Variants in PECAM1 observed in about 807,000 individuals in gnomAD.
PECAM1 encodes platelet endothelial cell adhesion molecule.
In PECAM1, 8 loss-of-function variants were observed where a neutral mutation model predicts 13.8. That is an observed-to-expected ratio of 0.58 (90% CI 0.34 to 1.05). The LOEUF (loss-of-function observed/expected upper bound fraction) is 1.05. Ranked by LOEUF, PECAM1 falls within the 50% of genes least tolerant of loss-of-function variation. PECAM1 has a pLI of 0.03. For synonymous variants in PECAM1, 136 were observed against 52.6 expected, an observed-to-expected ratio of 2.58 and a Z score of -6.86; for missense variants, 304 against 141.2, an observed-to-expected ratio of 2.15 and a Z score of -5.84.
chr17:64,388,503 A>C (rs992587440), intron 2 of PECAM1, among the ~76,000 whole-genome samples: 12 of 152,240 alleles, frequency 7.9e-5, no homozygotes, highest in Middle Eastern at 3.4e-3. Flanking sequence ...TATCATCCCC[A>C]TGTTACAGAT....
chr17:64,330,615 G>A (rs143497402), intron 14 of PECAM1, among the ~76,000 whole-genome samples: 4,699 of 147,086 alleles, frequency 0.032, 101 homozygotes, highest in East Asian at 0.072. Flanking sequence ...CAGCCTGGGC[G>A]ACACAGCAAG....
intron 7 of PECAM1, among the ~76,000 whole-genome samples, chr17:64,357,798 T>C (rs4968730): frequency 0.9 from 137,277 of 152,194 alleles, 63,009 homozygotes; most frequent in East Asian, 1. Context: ...AAATGTGAGC[T>C]ACTGATATCG....
At chr17:64,385,208 G>A (rs1406999117) in intron 2 of PECAM1, among the ~76,000 whole-genome samples, 2 of 152,208 alleles carry the variant, frequency 1.3e-5, no homozygotes, top group Non-Finnish European at 2.9e-5. Flanking sequence ...GGAGATGAAG[G>A]TTGACGGAGA....
chr17:64,361,753 C>CAAAAAAAAAAA (rs61144320), intron 6 of PECAM1, among the ~76,000 whole-genome samples: 89 of 67,886 alleles, frequency 1.3e-3, no homozygotes, highest in East Asian at 3.1e-3. Context: ...AACTCCATCT[C>CAAAAAAAAAAA]AAAAAAAAAA....
At chr17:64,340,777 C>A (rs2035406829) in intron 14 of PECAM1, among the ~76,000 whole-genome samples, 1 of 152,048 alleles carries the variant, frequency 6.6e-6, no homozygotes, top group East Asian at 1.9e-4. Flanking sequence ...AAACCCACAC[C>A]CACTCCCAAA....
chr17:64,333,567 A>G (rs2143697584), intron 14 of PECAM1, among the ~76,000 whole-genome samples: 1 of 152,212 alleles, frequency 6.6e-6, no homozygotes, highest in East Asian at 1.9e-4. Context: ...CGCTATGACA[A>G]CCAAAAGTGT....
At chr17:64,360,062 C>G (rs2035938347) in intron 7 of PECAM1, 78 bp downstream of exon 7, 4 of 474,682 alleles carry the variant, frequency 8.4e-6, no homozygotes, top group Non-Finnish European at 1.5e-5. Flanking sequence ...CCCTACTTCT[C>G]TTATTGTTCC....
At chr17:64,343,141 G>T (rs1034167006) in intron 13 of PECAM1, among the ~76,000 whole-genome samples, 5 of 152,112 alleles carry the variant, frequency 3.3e-5, no homozygotes, top group Non-Finnish European at 5.9e-5. Flanking sequence ...AGGGTAAGGG[G>T]CTTCCTGTGC....
In PECAM1 at chr17:64,375,360, C is replaced by T. The variant is rs929905100; in HGVS notation, c.386-4G>A. 0.016 allele frequency: 7,547 copies of T among 465,210 alleles called. 495 individuals carry two copies. Among genetic ancestry groups the T allele is most frequent in the African/African-American group, 0.14 (6,911 of 49,460 alleles). 28.8% of individuals were successfully genotyped at this position (465,210 alleles called of 1,614,324 possible). On this transcript the variant is annotated splice_polypyrimidine_tract_variant and splice_region_variant and intron_variant, in intron 3 of 15. Transcript: ENST00000563924. ...GTCACCCTGGGACTGGGCACTCCTACGGGGAAAGAGAAAGTCTGTCAGTAT... is the reference window on the plus strand; with the variant it reads ...GTCACCCTGGGACTGGGCACTCCTATGGGGAAAGAGAAAGTCTGTCAGTAT...
At chr17:64,349,757 C>T (rs1384421828) in intron 12 of PECAM1, among the ~76,000 whole-genome samples, 4 of 151,606 alleles carry the variant, frequency 2.6e-5, no homozygotes, top group East Asian at 1.9e-4. Context: ...TGGTGGCAGG[C>T]GCCTGTAGTC....
At chr17:64,378,200 G>T (rs1391741396) in intron 2 of PECAM1, 83 bp from the exon 3 acceptor site, 2 of 415,322 alleles carry the variant, frequency 4.8e-6, no homozygotes, top group Non-Finnish European at 8.6e-6. Context: ...CATCAGATGT[G>T]GTCTTATCCC....
chr17:64,370,141 TA>T, intron 4 of PECAM1, 116 bp from the exon 5 acceptor site: 1 of 397,626 alleles, frequency 2.5e-6, no homozygotes, highest in African/African-American at 2.1e-5. Context: ...TAACTAACTT[TA>T]AAAATTCAAC....
rs945344551 is a variant in PECAM1, at chr17:64,364,265, C to T, written c.968-868G>A. The stretch of plus-strand genomic sequence containing the variant: ...CCTCAACACACACACTCTCCCAAGA[C>T]TAAACCAGGAAGAAGTTGAATCTCT... On this transcript the variant is annotated intron_variant, in intron 5 of 15. Coordinates refer to ENST00000563924, the MANE Select transcript of PECAM1 (RefSeq NM_000442.5). Among the ~76,000 whole-genome samples, 10 of 152,294 alleles carry T rather than the reference C, an allele frequency of 6.6e-5. No homozygotes were observed. The South Asian group carries it at 1.7e-3, about 25-fold the overall frequency.
intron 11 of PECAM1, among the ~76,000 whole-genome samples, chr17:64,350,673 G>T (rs1213849650): frequency 1.4e-4 from 18 of 130,818 alleles, no homozygotes; most frequent in Non-Finnish European, 2.2e-4. Context: ...GCAATGTCTT[G>T]CTCTGTCACC....
intron 11 of PECAM1, among the ~76,000 whole-genome samples, chr17:64,350,647 T>C (rs1178993985): frequency 4.0e-5 from 6 of 149,640 alleles, no homozygotes; most frequent in Admixed American, 6.7e-5. Flanking sequence ...TTCTTTCTTT[T>C]TTTTTTTTTT....
intron 4 of PECAM1, among the ~76,000 whole-genome samples, chr17:64,371,429 T>G (rs1208535464): frequency 6.6e-6 from 1 of 152,198 alleles, no homozygotes; most frequent in African/African-American, 2.4e-5. Flanking sequence ...TCCAGCACTT[T>G]GGGAGGCTGA....
intron 13 of PECAM1, among the ~76,000 whole-genome samples, chr17:64,342,988 C>T (rs1421118515): frequency 1.3e-5 from 2 of 151,954 alleles, no homozygotes; most frequent in Non-Finnish European, 2.9e-5. Flanking sequence ...TACCCACCAA[C>T]CCTGAGGAAA....
In PECAM1 at chr17:64,360,582, CTGTGTGTGTGTGTGTG is replaced by C. The variant is rs10589772; in HGVS notation, c.1217-183_1217-168del. Among the ~76,000 whole-genome samples, 4 of 139,480 alleles carry C rather than the reference CTGTGTGTGTGTGTGTG, an allele frequency of 2.9e-5. No homozygotes were observed. The South Asian group carries it at 9.5e-4, about 33-fold the overall frequency. 91.5% of individuals were successfully genotyped at this position (139,480 alleles called of 152,430 possible). A position where few individuals can be genotyped will look rare whatever the true frequency, so the allele number is the denominator to read the frequency against. On this transcript the variant is annotated intron_variant, in intron 6 of 15. Coordinates refer to ENST00000563924, the MANE Select transcript of PECAM1 (RefSeq NM_000442.5). The stretch of plus-strand genomic sequence containing the variant: ...ATAGGACACCTATGAGACTGACAGG[CTGTGTGTGTGTGTGTG>C]TGTGTGTGTGTGTGTGTGTGGTGAG...
Position 64,361,129 on chromosome 17 carries a change from A to ATGTGTGTGTGTGTGTGTGTG in PECAM1, c.1217-734_1217-715dup, listed in dbSNP as rs145637288. ...AGCCACCACACCTGGCTGAGCATATATGTGTGTGTGTGTGTGTGTGTGTGT... is the reference window on the plus strand; with the variant it reads ...AGCCACCACACCTGGCTGAGCATATATGTGTGTGTGTGTGTGTGTGTGTGTGTGTGTGTGTGTGTGTGTGT... On this transcript the variant is annotated intron_variant, in intron 6 of 15. Transcript: ENST00000563924. 2.6e-3 allele frequency among the ~76,000 whole-genome samples: 356 copies of ATGTGTGTGTGTGTGTGTGTG among 137,252 alleles called. 5 individuals are homozygous for ATGTGTGTGTGTGTGTGTGTG. Among genetic ancestry groups the ATGTGTGTGTGTGTGTGTGTG allele is most frequent in the African/African-American group, 9.3e-3 (330 of 35,520 alleles). 90.0% of individuals were successfully genotyped at this position (137,252 alleles called of 152,430 possible).
Sources: allele counts gnomAD v4.1 joint callset (sites outside exome capture counted in the v4.1 genomes callset), GRCh38; gene constraint gnomAD v4.1.1; transcripts MANE v1.5; gene names NCBI Gene and HGNC (gene_info 2026-07-23, HGNC 2026-07-21).